The following CDH4 variants were observed in gnomAD, a reference collection of about 807,000 sequenced individuals.
CDH4 encodes cadherin-4.
A neutral mutation model predicts 86.0 loss-of-function variants in CDH4; 33 were observed. That is an observed-to-expected ratio of 0.38 (90% CI 0.29 to 0.51). The LOEUF (loss-of-function observed/expected upper bound fraction) is 0.51. CDH4 is among the 20% of genes least tolerant of loss of function. The pLI is 0.86. For synonymous variants in CDH4, 555 were observed against 549.4 expected, an observed-to-expected ratio of 1.01 and a Z score of -0.14; for missense variants, 1,114 against 1,307.4, an observed-to-expected ratio of 0.85 and a Z score of 2.28.
At chr20:61,893,413 G>A (rs1417329580) in intron 7 of CDH4, among the ~76,000 whole-genome samples, 1 of 148,244 alleles carries the variant, frequency 6.7e-6, no homozygotes, top group Admixed American at 6.7e-5. Flanking sequence ...GGTGGATGGA[G>A]GGGTGAGTGG....
intron 6 of CDH4, among the ~76,000 whole-genome samples, chr20:61,853,374 G>A (rs532147897): frequency 9.7e-4 from 148 of 152,264 alleles, no homozygotes; most frequent in African/African-American, 3.4e-3. Context: ...CCAGCTAAAC[G>A]TAAGATTTGG....
chr20:61,933,151 C>G, intron 14 of CDH4, 27 bp downstream of exon 14: 1 of 1,606,826 alleles, frequency 6.2e-7, no homozygotes, highest in Non-Finnish European at 8.5e-7. Flanking sequence ...CCCCCGCCTC[C>G]CCACGCGAGG....
At chr20:61,534,653 CTTTCTTTCTTTCTTTTTTTTTT>C (rs2085981290) in intron 2 of CDH4, among the ~76,000 whole-genome samples, 1 of 92,770 alleles carries the variant, frequency 1.1e-5, no homozygotes, top group Non-Finnish European at 1.9e-5. Context: ...TCTTTCTTTT[CTTTCTTTCTTTCTTTTTTTTTT>C]TTTTTTTTTT....
intron 2 of CDH4, among the ~76,000 whole-genome samples, chr20:61,665,215 C>G (rs950778678): frequency 6.6e-6 from 1 of 152,196 alleles, no homozygotes; most frequent in African/African-American, 2.4e-5. Context: ...GACGGGAAGG[C>G]GAGCACCATG....
intron 2 of CDH4, chr20:61,718,439 C>G: frequency 4.1e-6 from 1 of 242,970 alleles, no homozygotes; most frequent in South Asian, 6.1e-5. Flanking sequence ...TCTGGACACA[C>G]CCAACACAGA....
At chr20:61,330,369 A>G (rs1028622175) in intron 2 of CDH4, among the ~76,000 whole-genome samples, 6 of 152,172 alleles carry the variant, frequency 3.9e-5, no homozygotes, top group Non-Finnish European at 7.3e-5. Flanking sequence ...CCACAGCCTC[A>G]CCAGCATCCA....
At position 61,708,969 on chromosome 20, in the gene CDH4, C is replaced by T. The variant is rs954924073; in HGVS notation, c.170-34594C>T. 1.3e-5 allele frequency among the ~76,000 whole-genome samples: 2 copies of T among 152,238 alleles called. No homozygotes were observed. Among genetic ancestry groups the T allele is most frequent in the African/African-American group, 2.4e-5 (1 of 41,468 alleles). ...AAGGCTGTTCCTTCAGCCAGACGGACGGGCAGCAGACCTGCTCAGCCCTGC... is the reference window on the plus strand; with the variant it reads ...AAGGCTGTTCCTTCAGCCAGACGGATGGGCAGCAGACCTGCTCAGCCCTGC... On this transcript the variant is annotated intron_variant, in intron 2 of 15. Coordinates refer to ENST00000614565, the MANE Select transcript of CDH4 (RefSeq NM_001794.5). This position sits in a 1 kb window ranked among gnomAD's most constrained non-coding sequence, Gnocchi z 4.5.
intron 4 of CDH4, among the ~76,000 whole-genome samples, chr20:61,806,505 C>T (rs1455312421): frequency 6.6e-6 from 1 of 152,232 alleles, no homozygotes; most frequent in Non-Finnish European, 1.5e-5. Flanking sequence ...ATTCCATACC[C>T]AAGTGAGCAT....
intron 2 of CDH4, among the ~76,000 whole-genome samples, chr20:61,308,752 T>A (rs2084430270): frequency 6.6e-6 from 1 of 152,252 alleles, no homozygotes; most frequent in South Asian, 2.1e-4. Flanking sequence ...ATTTGATGAT[T>A]GCAGGCGGAG....
intron 2 of CDH4, among the ~76,000 whole-genome samples, chr20:61,634,863 G>A (rs1476193794): frequency 6.6e-6 from 1 of 152,148 alleles, no homozygotes; most frequent in Non-Finnish European, 1.5e-5. Flanking sequence ...CCGTCTCTGT[G>A]ATTTTGACTG....
intron 2 of CDH4, among the ~76,000 whole-genome samples, chr20:61,686,505 A>G (rs28630696): frequency 7.9e-6 from 1 of 126,796 alleles, no homozygotes; most frequent in Admixed American, 7.9e-5. Flanking sequence ...GCGTGTGTGT[A>G]TATGTGTGTG....
At chr20:61,694,805 G>C (rs1041428374) in intron 2 of CDH4, among the ~76,000 whole-genome samples, 1 of 152,214 alleles carries the variant, frequency 6.6e-6, no homozygotes, top group Non-Finnish European at 1.5e-5. Flanking sequence ...TTTCTCCTCT[G>C]CACGGGAGCC....
chr20:61,926,309 C>T (rs562432870), intron 11 of CDH4, among the ~76,000 whole-genome samples: 11 of 152,342 alleles, frequency 7.2e-5, no homozygotes, highest in Non-Finnish European at 7.3e-5. Flanking sequence ...GTGTCTGGTC[C>T]GCTCTTGGAA....
intron 2 of CDH4, chr20:61,570,816 G>A: frequency 1.4e-6 from 1 of 701,522 alleles, no homozygotes; most frequent in Non-Finnish European, 2.6e-6. Flanking sequence ...GCCGCGCCAG[G>A]GGGTTGCTGC....
At chr20:61,647,434 A>G (rs1158326340) in intron 2 of CDH4, among the ~76,000 whole-genome samples, 1 of 152,162 alleles carries the variant, frequency 6.6e-6, no homozygotes, top group Non-Finnish European at 1.5e-5. Flanking sequence ...GAAATTGTCA[A>G]ATGCCAGAAA....
chr20:61,543,210 G>A (rs745327621), intron 2 of CDH4, among the ~76,000 whole-genome samples: 1 of 152,186 alleles, frequency 6.6e-6, no homozygotes, highest in Non-Finnish European at 1.5e-5. Flanking sequence ...CTTTGGCAAC[G>A]CCCTCACAGA....
Position 61,324,032 on chromosome 20 carries a change from G to A in CDH4, c.169+69095G>A, listed in dbSNP as rs549871141. Among the ~76,000 whole-genome samples, 135 of 152,294 alleles carry A rather than the reference G, an allele frequency of 8.9e-4. No individual in the cohort carries two copies. In the Middle Eastern group the frequency reaches 0.014, roughly 15 times the overall value. ...TTCCAACAAGATAGAACTTGACACAGCAGTTATGCCATTTACTTTTGTATA... is the reference window on the plus strand; with the variant it reads ...TTCCAACAAGATAGAACTTGACACAACAGTTATGCCATTTACTTTTGTATA... On this transcript the variant is annotated intron_variant, in intron 2 of 15. Transcript: ENST00000614565.
chr20:61,436,365 C>A (rs984521003), intron 2 of CDH4: 1 of 152,264 alleles, frequency 6.6e-6, no homozygotes, highest in Non-Finnish European at 1.5e-5. Flanking sequence ...CAAAAGACTA[C>A]CCCCACTTCA....
At chr20:61,674,088 C>T (rs989067825) in intron 2 of CDH4, among the ~76,000 whole-genome samples, 8 of 152,156 alleles carry the variant, frequency 5.3e-5, no homozygotes, top group African/African-American at 1.9e-4. Flanking sequence ...CAAATGAGAC[C>T]TTATTCCCTA....
Sources: allele counts gnomAD v4.1 joint callset (sites outside exome capture counted in the v4.1 genomes callset), GRCh38; gene constraint gnomAD v4.1.1; non-coding constraint Gnocchi (gnomAD v3.1); transcripts MANE v1.5; gene names NCBI Gene and HGNC (gene_info 2026-07-23, HGNC 2026-07-21).